The following KCNN2 variants were observed in gnomAD, a reference collection of about 807,000 sequenced individuals.
KCNN2 encodes the protein potassium calcium-activated channel subfamily N member 2.
Under a neutral mutation model 55.5 loss-of-function variants are expected in KCNN2, and 24 were observed. That is an observed-to-expected ratio of 0.43 (90% CI 0.31 to 0.61). The LOEUF (loss-of-function observed/expected upper bound fraction) is 0.61, where lower values mean the gene tolerates loss of function less well. Among genes scored for constraint, KCNN2 ranks in the 20% least tolerant of loss-of-function variants. The pLI is 0.08. For synonymous variants in KCNN2, 431 were observed against 336.1 expected, an observed-to-expected ratio of 1.28 and a Z score of -3.09; for missense variants, 754 against 853.6, an observed-to-expected ratio of 0.88 and a Z score of 1.45.
intron 2 of KCNN2, among the ~76,000 whole-genome samples, chr5:114,267,344 A>T (rs181640970): frequency 6.6e-6 from 1 of 152,170 alleles, no homozygotes; most frequent in Admixed American, 6.5e-5. Context: ...TCGTGTGAGC[A>T]TCTCTGGATC....
intron 2 of KCNN2, among the ~76,000 whole-genome samples, chr5:114,329,622 A>G (rs2150032529): frequency 6.6e-6 from 1 of 152,248 alleles, no homozygotes; most frequent in African/African-American, 2.4e-5. Flanking sequence ...GGGGACTCAG[A>G]CTGGCTTCTC....
intron 5 of KCNN2, among the ~76,000 whole-genome samples, chr5:114,485,309 A>G (rs553603391): frequency 6.6e-6 from 1 of 152,254 alleles, no homozygotes; most frequent in East Asian, 1.9e-4. Context: ...CCCCTTGCCA[A>G]TCTTCCAGGT....
chr5:114,280,406 T>G (rs1755599675), intron 2 of KCNN2, among the ~76,000 whole-genome samples: 1 of 152,146 alleles, frequency 6.6e-6, no homozygotes, highest in Non-Finnish European at 1.5e-5. Context: ...ATTGCCTAGG[T>G]TTTCTTCTAG....
At chr5:114,224,533 G>T (rs1297742720) in intron 2 of KCNN2, among the ~76,000 whole-genome samples, 1 of 152,168 alleles carries the variant, frequency 6.6e-6, no homozygotes, top group Non-Finnish European at 1.5e-5. Flanking sequence ...TTAGGGAAAA[G>T]AACATGGATT....
At position 114,463,152 on chromosome 5, in the gene KCNN2, T is replaced by C. The variant is rs774679757; in HGVS notation, c.1741T>C (p.Tyr581His). Residue 581 changes from tyrosine to histidine, a missense_variant, in exon 4 of 8, where the codon TAC becomes CAC. Coordinates refer to ENST00000673685, the MANE Select transcript of KCNN2 (RefSeq NM_021614.4). ...IGYGDMVPNT[Y>H]CGKGVCLLTG... ...TTATGGTGACATGGTACCTAACACATACTGTGGAAAAGGAGTCTGCTTACT... is the reference window on the plus strand; with the variant it reads ...TTATGGTGACATGGTACCTAACACACACTGTGGAAAAGGAGTCTGCTTACT... 1.9e-6 allele frequency: 3 copies of C among 1,613,436 alleles called. No individual in the cohort carries two copies. Among genetic ancestry groups the C allele is most frequent in the Non-Finnish European group, 2.5e-6 (3 of 1,179,558 alleles).
At chr5:114,347,477 G>A (rs537450958) in intron 2 of KCNN2, among the ~76,000 whole-genome samples, 2 of 152,270 alleles carry the variant, frequency 1.3e-5, no homozygotes, top group South Asian at 4.1e-4. Context: ...CTGATCTTGG[G>A]ATAATCAAAA....
At chr5:114,291,935 T>C (rs1755898047) in intron 2 of KCNN2, among the ~76,000 whole-genome samples, 1 of 152,202 alleles carries the variant, frequency 6.6e-6, no homozygotes, top group South Asian at 2.1e-4. Context: ...ATTTGTCTGA[T>C]GGCCAGTGAT....
At chr5:114,151,026 CAA>C (rs1752511194) in intron 1 of KCNN2, among the ~76,000 whole-genome samples, 1 of 151,886 alleles carries the variant, frequency 6.6e-6, no homozygotes, top group African/African-American at 2.4e-5. Context: ...TGTCTCAAAA[CAA>C]ACAAACAAAC....
Position 114,368,629 on chromosome 5 carries a change from A to T in KCNN2, c.1218+4628A>T, listed in dbSNP as rs1757673866. On this transcript the variant is annotated intron_variant, in intron 2 of 7. Transcript: ENST00000673685. ...AGACCATGCAGAAAATACTGCATAT[A>T]GTTTACTATTTTTATTAATAAAATA... Among the ~76,000 whole-genome samples, 3 of 152,368 alleles carry T rather than the reference A, an allele frequency of 2.0e-5. No individual in the cohort carries two copies. The South Asian group carries it at 6.2e-4, about 32-fold the overall frequency.
intron 1 of KCNN2, among the ~76,000 whole-genome samples, chr5:114,207,204 A>G (rs1185435631): frequency 2.6e-5 from 4 of 152,114 alleles, no homozygotes; most frequent in Admixed American, 6.5e-5. Flanking sequence ...CCCTCTCACA[A>G]TAACTGCTCT....
chr5:114,369,776 C>G (rs1478136977), intron 2 of KCNN2, among the ~76,000 whole-genome samples: 2 of 152,066 alleles, frequency 1.3e-5, no homozygotes, highest in Non-Finnish European at 2.9e-5. Context: ...TAAAGCTATC[C>G]TGGTGTGTTT....
Position 114,312,454 on chromosome 5 carries a change from T to C in KCNN2, c.-184-48491T>C, listed in dbSNP as rs1412327795. Among the ~76,000 whole-genome samples, 140 of 77,696 alleles carry C rather than the reference T, an allele frequency of 1.8e-3. 1 individual carries two copies. Among genetic ancestry groups the C allele is most frequent in the African/African-American group, 6.8e-3 (134 of 19,714 alleles). The allele number at this position is 77,696 out of a possible 152,430, so 51.0% of individuals were successfully genotyped here. A position where few individuals can be genotyped will look rare whatever the true frequency, so the allele number is the denominator to read the frequency against. On this transcript the variant is annotated intron_variant, in intron 2 of 10. Transcript: ENST00000512097. ...ACACACATATATATATATATATATA[T>C]ATATATATATATATATATATATGGA... is the stretch of plus-strand genomic sequence containing the variant.
intron 1 of KCNN2, among the ~76,000 whole-genome samples, chr5:114,113,457 T>C (rs1056909446): frequency 2.6e-5 from 4 of 152,042 alleles, no homozygotes; most frequent in Non-Finnish European, 5.9e-5. Context: ...CTCTCCCTCT[T>C]AGGTTCATTG....
chr5:114,347,113 C>T (rs968974777), intron 2 of KCNN2, among the ~76,000 whole-genome samples: 1 of 152,042 alleles, frequency 6.6e-6, no homozygotes, highest in Non-Finnish European at 1.5e-5. Context: ...TTTAGCTAAT[C>T]AATATAGAAG....
chr5:114,458,399 C>T (rs568765615), intron 3 of KCNN2, among the ~76,000 whole-genome samples: 7 of 152,286 alleles, frequency 4.6e-5, no homozygotes, highest in African/African-American at 1.7e-4. Flanking sequence ...CATAACACGA[C>T]AAATCCAATT....
At chr5:114,434,274 A>G (rs1759923855) in intron 3 of KCNN2, among the ~76,000 whole-genome samples, 1 of 151,920 alleles carries the variant, frequency 6.6e-6, no homozygotes, top group Non-Finnish European at 1.5e-5. Context: ...TCATAAGCCC[A>G]TCAAGACATT....
At chr5:114,200,918 A>G (rs1580613055) in intron 1 of KCNN2, among the ~76,000 whole-genome samples, 1 of 152,138 alleles carries the variant, frequency 6.6e-6, no homozygotes, top group East Asian at 1.9e-4. Context: ...TAGTGGTGCG[A>G]GTATGCCTGT....
chr5:114,181,306 T>A (rs939572819), intron 1 of KCNN2, among the ~76,000 whole-genome samples: 1 of 152,240 alleles, frequency 6.6e-6, no homozygotes, highest in East Asian at 1.9e-4. Flanking sequence ...CTGTTTTGTA[T>A]GTGTAGTATC....
At chr5:114,385,884 A>G (rs1441377947) in intron 2 of KCNN2, among the ~76,000 whole-genome samples, 1 of 151,852 alleles carries the variant, frequency 6.6e-6, no homozygotes, top group Admixed American at 6.6e-5. Context: ...CTGTTTCTTA[A>G]AGTAGGTATT....
Sources: gnomAD v4.1 joint callset for allele counts (sites outside exome capture counted in the v4.1 genomes callset) on GRCh38, gnomAD v4.1.1 for gene constraint, MANE v1.5 for transcripts, NCBI Gene and HGNC (gene_info 2026-07-23, HGNC 2026-07-21) for gene names.